The following ACVR1 variants were observed in gnomAD, a reference collection of about 807,000 sequenced individuals.
ACVR1 encodes the protein activin receptor type-1.
In ACVR1, 38 loss-of-function variants were observed where a neutral mutation model predicts 57.1. The ratio of observed to expected loss-of-function variants is 0.67; its 90% CI spans 0.51 to 0.87. The LOEUF is 0.87. Among genes scored for constraint, ACVR1 ranks in the 40% least tolerant of loss-of-function variants. The pLI is 0.00. For synonymous variants in ACVR1, 212 were observed against 228.1 expected (o/e 0.93, Z 0.63); for missense variants, 463 against 638.2 (o/e 0.73, Z 2.96).
rs1559032210 is a variant in ACVR1, at chr2:157,745,131, A to G, written c.1265-6561T>C. 2.0e-5 allele frequency among the ~76,000 whole-genome samples: 3 copies of G among 152,232 alleles called. No homozygotes were observed. The South Asian group carries it at 6.2e-4, about 32-fold the overall frequency. On this transcript the variant is annotated intron_variant, in intron 9 of 10. Transcript: ENST00000434821. ...TTGTTGGAATTCTCATCGATGTAAC[A>G]CAGCAAAAGTAAATGGTTTATAGAT...
At chr2:157,823,924 C>G (rs768194498) in intron 1 of ACVR1, among the ~76,000 whole-genome samples, 5 of 152,192 alleles carry the variant, frequency 3.3e-5, no homozygotes, top group Non-Finnish European at 5.9e-5. Context: ...CTTGAACCAA[C>G]AGGTTCTGAG....
chr2:157,828,656 C>T (rs552061335), intron 1 of ACVR1, among the ~76,000 whole-genome samples: 5 of 152,146 alleles, frequency 3.3e-5, no homozygotes, highest in African/African-American at 4.8e-5. Flanking sequence ...CTCTGTACTG[C>T]GATGGCACCC....
chr2:157,836,330 T>C (rs1374211933), intron 1 of ACVR1, among the ~76,000 whole-genome samples: 1 of 152,378 alleles, frequency 6.6e-6, no homozygotes, highest in Non-Finnish European at 1.5e-5. Context: ...CTTGAGATAC[T>C]GTGGCCACTG....
chr2:157,787,850 T>C (rs1422733747), intron 3 of ACVR1, among the ~76,000 whole-genome samples: 1 of 152,138 alleles, frequency 6.6e-6, no homozygotes, highest in Non-Finnish European at 1.5e-5. Flanking sequence ...AGCAGGTGGC[T>C]TTTGTGCTTA....
chr2:157,745,558 C>G (rs1684935039), intron 9 of ACVR1, among the ~76,000 whole-genome samples: 1 of 152,170 alleles, frequency 6.6e-6, no homozygotes, highest in South Asian at 2.1e-4. Context: ...CTCCTCTGTT[C>G]TGGATCTCTA....
chr2:157,799,298 A>G (rs1225400567), intron 3 of ACVR1, 129 bp downstream of exon 3: 1 of 672,914 alleles, frequency 1.5e-6, no homozygotes, highest in East Asian at 2.8e-5. Flanking sequence ...CAAAATAGTC[A>G]ATAATCACCA....
chr2:157,838,336 C>T (rs1688862462), intron 1 of ACVR1: 1 of 151,868 alleles, frequency 6.6e-6, no homozygotes, highest in African/African-American at 2.4e-5. Flanking sequence ...CCCTTGCTAT[C>T]AAGAGGTGGG....
At chr2:157,843,188 T>C (rs1689030292) in intron 1 of ACVR1, among the ~76,000 whole-genome samples, 1 of 152,222 alleles carries the variant, frequency 6.6e-6, no homozygotes, top group African/African-American at 2.4e-5. Flanking sequence ...TGTCTATCTT[T>C]CTGCAAACTA....
intron 2 of ACVR1, among the ~76,000 whole-genome samples, chr2:157,800,739 T>C (rs1012956604): frequency 1.3e-5 from 2 of 152,172 alleles, no homozygotes; most frequent in African/African-American, 2.4e-5. Context: ...CATGTTCACA[T>C]AGATCTTTCC....
intron 1 of ACVR1, among the ~76,000 whole-genome samples, chr2:157,859,043 T>C (rs528125479): frequency 4.6e-5 from 7 of 152,282 alleles, no homozygotes; most frequent in Non-Finnish European, 7.4e-5. Flanking sequence ...TCAGAGGCAT[T>C]TGAATCAGAG....
intron 1 of ACVR1, among the ~76,000 whole-genome samples, chr2:157,863,211 C>T (rs2105379562): frequency 6.7e-6 from 1 of 150,278 alleles, no homozygotes; most frequent in South Asian, 2.1e-4. Context: ...TGAGGTTTCA[C>T]CATGATGGCC....
At chr2:157,781,363 G>A (rs1686518136) in intron 3 of ACVR1, among the ~76,000 whole-genome samples, 1 of 152,216 alleles carries the variant, frequency 6.6e-6, no homozygotes, top group Non-Finnish European at 1.5e-5. Context: ...TGTTCAACCT[G>A]TAATATAATA....
intron 7 of ACVR1, 111 bp downstream of exon 7, chr2:157,770,257 T>A (rs888541377): frequency 1.7e-6 from 2 of 1,209,942 alleles, no homozygotes; most frequent in Non-Finnish European, 2.4e-6. Flanking sequence ...GATCCCTATA[T>A]TGCTTTTTAG....
At chr2:157,812,860 A>G (rs368751580) in intron 2 of ACVR1, among the ~76,000 whole-genome samples, 1 of 152,180 alleles carries the variant, frequency 6.6e-6, no homozygotes, top group African/African-American at 2.4e-5. Flanking sequence ...TTAACACATC[A>G]TATAAAGTGG....
At chr2:157,832,925 A>G (rs1442225209) in intron 1 of ACVR1, among the ~76,000 whole-genome samples, 1 of 152,334 alleles carries the variant, frequency 6.6e-6, no homozygotes, top group Non-Finnish European at 1.5e-5. Context: ...ATTTATCAAT[A>G]ACCCAAATTC....
intron 1 of ACVR1, among the ~76,000 whole-genome samples, chr2:157,834,141 G>A (rs990319132): frequency 1.3e-5 from 2 of 152,158 alleles, no homozygotes; most frequent in Non-Finnish European, 2.9e-5. Flanking sequence ...GCCCAGGCTG[G>A]AGTGCAGTGG....
At chr2:157,855,308 G>GTGTGTGTA (rs1307480066) in intron 1 of ACVR1, among the ~76,000 whole-genome samples, 54 of 51,672 alleles carry the variant, frequency 1.0e-3, no homozygotes, top group Admixed American at 2.1e-3. Flanking sequence ...GTGTGTGTGT[G>GTGTGTGTA]TATATATATA....
At chr2:157,814,901 C>A (rs549144995) in intron 2 of ACVR1, among the ~76,000 whole-genome samples, 3 of 152,032 alleles carry the variant, frequency 2.0e-5, no homozygotes, top group African/African-American at 7.2e-5. Flanking sequence ...CTGGCTAACA[C>A]GGTGAAACCC....
At chr2:157,771,471 A>T (rs1397801350) in intron 6 of ACVR1, among the ~76,000 whole-genome samples, 1 of 152,154 alleles carries the variant, frequency 6.6e-6, no homozygotes, top group Non-Finnish European at 1.5e-5. Flanking sequence ...TTACCACAAG[A>T]CTATGAGGAT....
Sources: allele counts gnomAD v4.1 joint callset (sites outside exome capture counted in the v4.1 genomes callset), GRCh38; gene constraint gnomAD v4.1.1; transcripts MANE v1.5; gene names NCBI Gene and HGNC (gene_info 2026-07-23, HGNC 2026-07-21).